The following PPP4R3A variants were observed in gnomAD, a reference collection of about 807,000 sequenced individuals.
PPP4R3A encodes serine/threonine-protein phosphatase 4 regulatory subunit 3A.
A neutral mutation model predicts 91.7 loss-of-function variants in PPP4R3A; 15 were observed. That is an observed-to-expected ratio of 0.16 (90% CI 0.11 to 0.25). The LOEUF is 0.25. Among genes scored for constraint, PPP4R3A ranks in the 10% least tolerant of loss-of-function variants. PPP4R3A has a pLI of 1.00. For synonymous variants in PPP4R3A, 377 were observed against 348.7 expected, an observed-to-expected ratio of 1.08 and a Z score of -0.91; for missense variants, 623 against 998.4, an observed-to-expected ratio of 0.62 and a Z score of 5.07.
At chr14:91,480,439 T>G (rs1026936526) in intron 4 of PPP4R3A, among the ~76,000 whole-genome samples, 11 of 152,298 alleles carry the variant, frequency 7.2e-5, no homozygotes, top group Admixed American at 6.5e-4. Flanking sequence ...TAGCAAAACG[T>G]GGCTTTTGGT....
chr14:91,472,032 T>TCCAG (rs1270195573), intron 9 of PPP4R3A, among the ~76,000 whole-genome samples: 1 of 118,200 alleles, frequency 8.5e-6, no homozygotes, highest in Non-Finnish European at 1.6e-5. Context: ...GCCACCACAC[T>TCCAG]CCAGCCTGGG....
chr14:91,464,257 G>A (rs1176456223), intron 11 of PPP4R3A, among the ~76,000 whole-genome samples: 2 of 152,106 alleles, frequency 1.3e-5, no homozygotes, highest in Admixed American at 6.5e-5. Flanking sequence ...GGAGGTGGAA[G>A]GCGCAGTGAG....
intron 1 of PPP4R3A, among the ~76,000 whole-genome samples, chr14:91,505,569 A>T (rs1417430359): frequency 1.3e-5 from 2 of 152,218 alleles, no homozygotes; most frequent in Non-Finnish European, 2.9e-5. Context: ...TTAACACATC[A>T]CAAAAACTTA....
chr14:91,462,188 T>C lies in PPP4R3A; in HGVS notation c.2025A>G (p.Leu675=), dbSNP rs772008317. ...NHRYRRDART[L]EDEEEMWFNT... ...TAAACCACATCTCTTCTTCATCTTC[T>C]AGTGTTCTGGCATCTCTTCGATATC... is the stretch of plus-strand genomic sequence containing the variant. Residue 675 remains leucine (L), a synonymous_variant, in exon 13 of 15, where the codon CTA becomes CTG. Transcript: ENST00000554943. 2.5e-6 allele frequency: 4 copies of C among 1,606,028 alleles called. No homozygotes were observed. The highest frequency in any genetic ancestry group is 2.2e-5 in the East Asian group (1 of 44,506).
chr14:91,492,666 T>C (rs1181686121), intron 1 of PPP4R3A, among the ~76,000 whole-genome samples: 1 of 152,024 alleles, frequency 6.6e-6, no homozygotes, highest in Non-Finnish European at 1.5e-5. Flanking sequence ...ACATTCACCA[T>C]ATTATTTTTT....
rs1217042715 is a variant in PPP4R3A at position 91,475,893 on chromosome 14, A to G, written c.1184T>C (p.Met395Thr). 6.2e-7 allele frequency: 1 copy of G among 1,613,684 alleles called. No homozygotes were observed. Among genetic ancestry groups the G allele is most frequent in the South Asian group, 1.1e-5 (1 of 90,976 alleles). ...CTCCTGCATGACAAACTCTCGTACCATGGATGGATTATATTCAACCAAGTA... is the reference window on the plus strand; with the variant it reads ...CTCCTGCATGACAAACTCTCGTACCGTGGATGGATTATATTCAACCAAGTA... ...FSYLVEYNPS[M>T]VREFVMQEAQ... The change falls in exon 7 of 15, where the codon ATG becomes ACG. Residue 395 changes from methionine to threonine, a missense_variant. Physicochemically the swap from Met to Thr is moderately conservative, Grantham distance 81 (BLOSUM62 -1). Coordinates refer to ENST00000554943, the MANE Select transcript of PPP4R3A (RefSeq NM_001366432.2).
At chr14:91,463,820 G>A (rs373812727) in intron 11 of PPP4R3A, among the ~76,000 whole-genome samples, 10 of 152,198 alleles carry the variant, frequency 6.6e-5, no homozygotes, top group South Asian at 2.1e-4. Flanking sequence ...GGTAAACTGC[G>A]TGTCACAGGG....
intron 1 of PPP4R3A, among the ~76,000 whole-genome samples, chr14:91,495,791 C>T (rs191004553): frequency 1.3e-5 from 2 of 151,926 alleles, no homozygotes; most frequent in Non-Finnish European, 2.9e-5. Context: ...TGGCAGCGCA[C>T]GCCTGTAGTC....
At chr14:91,502,428 T>C (rs1891024906) in intron 1 of PPP4R3A, among the ~76,000 whole-genome samples, 1 of 152,106 alleles carries the variant, frequency 6.6e-6, no homozygotes, top group African/African-American at 2.4e-5. Flanking sequence ...TGTCTCTAAA[T>C]AAACAAACTT....
At position 91,474,066 on chromosome 14, in the gene PPP4R3A, G is replaced by A. The variant is rs374513739; in HGVS notation, c.1267-696C>T. Among the ~76,000 whole-genome samples the A allele has an allele frequency of 1.6e-4, 25 of 152,298 alleles. No individual in the cohort carries two copies. In the East Asian group the frequency reaches 3.3e-3, roughly 20 times the overall value. On this transcript the variant is annotated intron_variant, in intron 7 of 14. Transcript: ENST00000554943. Reference sequence around the variant, plus strand: ...TTACAGGCGTGAGCCACCGTGCCTGGTCTATTGCTTTTATTATTATAGAGT... The same window carrying A: ...TTACAGGCGTGAGCCACCGTGCCTGATCTATTGCTTTTATTATTATAGAGT...
At chr14:91,478,723 T>A (rs2140106506) in intron 4 of PPP4R3A, among the ~76,000 whole-genome samples, 1 of 142,704 alleles carries the variant, frequency 7.0e-6, no homozygotes, top group East Asian at 1.9e-4. Flanking sequence ...GAACTCAGTA[T>A]TTTAGTTCAT....
rs748363219 is a variant in PPP4R3A at position 91,473,232 on chromosome 14, G to A, written c.1398+7C>T. ...TATGAAAAAGAGGGGAAATGCTCAT[G>A]GCTTACATTGGCAGTGGCTAGCATG... On this transcript the variant is annotated splice_region_variant and intron_variant, in intron 8 of 14. Transcript: ENST00000554943. 8 of 1,613,170 alleles carry A rather than the reference G, an allele frequency of 5.0e-6. No homozygotes were observed. The South Asian group carries it at 8.8e-5, about 18-fold the overall frequency.
rs764439484 is a variant in PPP4R3A at position 91,462,809 on chromosome 14, A to G, written c.1899T>C (p.Tyr633=). The change falls in exon 12 of 15, where the codon TAT becomes TAC. Residue 633 remains tyrosine, a synonymous_variant. Coordinates refer to ENST00000554943, the MANE Select transcript of PPP4R3A (RefSeq NM_001366432.2). ...GTTTTAATCCTTTAAATGTCTGTAC[A>G]TAATCTACATCTTCCAGTGCTTTCC... ...NYWKALEDVD[Y]VQTFKGLKLR... The G allele has an allele frequency of 3.1e-6, 5 of 1,611,906 alleles. No homozygotes were observed. In the Admixed American group the frequency reaches 5.0e-5, roughly 16 times the overall value.
At chr14:91,509,433 C>G in intron 1 of PPP4R3A, 73 bp downstream of exon 1, 1 of 1,527,776 alleles carries the variant, frequency 6.5e-7, no homozygotes, top group African/African-American at 1.4e-5. Context: ...GAGCGCCATG[C>G]CCCGCAAGAA....
rs912288691 is a variant in PPP4R3A at position 91,473,354 on chromosome 14, T to C, written c.1283A>G (p.Asn428Ser). Residue 428 changes from asparagine to serine, a missense_variant, in exon 8 of 15, where the codon AAC (asparagine) becomes AGC (serine). Transcript: ENST00000554943. ...ACAAATCATATGTTCTATAATGAGG[T>C]TGATGAGCAAAATATCCTGGAGAGA... The part of the protein sequence containing the change: ...KITSKDILLI[N>S]LIIEHMICDT... The C allele has an allele frequency of 3.7e-6, 6 of 1,611,804 alleles. No individual in the cohort carries two copies. The highest frequency in any genetic ancestry group is 4.2e-6 in the Non-Finnish European group (5 of 1,179,428).
chr14:91,481,986 A>C lies in PPP4R3A; in HGVS notation c.505T>G (p.Tyr169Asp), dbSNP rs1282534136. The C allele has an allele frequency of 6.2e-7, 1 of 1,614,096 alleles. No individual in the cohort carries two copies. Residue 169 changes from tyrosine to aspartate, a missense_variant, in exon 4 of 15, where the codon TAT becomes GAT. By Grantham distance (160) the Tyr-to-Asp change is radical. Transcript: ENST00000554943. ...KLALALENEGYIKKLLELFHV... is the reference protein window; with the variant it reads ...KLALALENEGDIKKLLELFHV... ...AAAAGCTCCAGGAGCTTTTTAATAT[A>C]ACCCTCATTTTCTAGTGCCAGTGCA...
chr14:91,458,776 C>A lies in PPP4R3A; in HGVS notation c.2485G>T (p.Ala829Ser). The A allele has an allele frequency of 6.2e-7, 1 of 1,614,084 alleles. No homozygotes were observed. The highest frequency in any genetic ancestry group is 8.5e-7 in the Non-Finnish European group (1 of 1,180,012). The change falls in exon 15 of 15, where the codon GCA (alanine) becomes TCA (serine). Residue 829 changes from alanine (A) to serine (S), a missense_variant. Ala to Ser is a moderately conservative substitution (Grantham distance 99). Around this residue, in one of 5 missense-constraint regions of PPP4R3A, gnomAD observed 201 missense variants for 229.9 expected, o/e 0.87. Transcript: ENST00000554943. ...KEDTLPLSKK[A>S]KFDS is the part of the protein sequence containing the mutation. ...TGCCATTATTATGAATCAAATTTTGCTTTCTTTGACAATGGTAACGTATCT... is the reference window on the plus strand; with the variant it reads ...TGCCATTATTATGAATCAAATTTTGATTTCTTTGACAATGGTAACGTATCT...
intron 1 of PPP4R3A, among the ~76,000 whole-genome samples, chr14:91,496,119 C>T (rs1237201582): frequency 6.6e-6 from 1 of 152,106 alleles, no homozygotes; most frequent in African/African-American, 2.4e-5. Context: ...CACAAAGTGG[C>T]AAAATTAACC....
chr14:91,487,136 G>A (rs965633644), intron 2 of PPP4R3A, among the ~76,000 whole-genome samples: 1 of 150,610 alleles, frequency 6.6e-6, no homozygotes, highest in African/African-American at 2.4e-5. Flanking sequence ...TGTAATCCCA[G>A]CTACATGGGA....
Sources: allele counts gnomAD v4.1 joint callset (sites outside exome capture counted in the v4.1 genomes callset), GRCh38; gene constraint gnomAD v4.1.1; regional missense constraint gnomAD v4.1.1; transcripts MANE v1.5; gene names NCBI Gene and HGNC (gene_info 2026-07-23, HGNC 2026-07-21).